Variants in CA10 observed in about 807,000 individuals in gnomAD.
The protein encoded by CA10 is carbonic anhydrase 10 (inactive), also known as carbonic anhydrase-related protein 10.
CA10 carries 14 observed loss-of-function variants against 44.2 expected under a neutral mutation model. The observed-to-expected ratio is 0.32, with a 90% CI of 0.21 to 0.50. CA10 has a LOEUF of 0.50. Ranked by LOEUF, CA10 falls within the 20% of genes least tolerant of loss-of-function variation. CA10 has a pLI of 0.99. For synonymous variants in CA10, 159 were observed against 141.6 expected (o/e 1.12, Z -0.87); for missense variants, 350 against 409.7 (o/e 0.85, Z 1.26).
chr17:51,924,328 T>A (rs1420997004), intron 3 of CA10, among the ~76,000 whole-genome samples: 2 of 152,126 alleles, frequency 1.3e-5, no homozygotes, highest in Non-Finnish European at 2.9e-5. Context: ...GAACAAAAGG[T>A]ATGTACGAAG....
chr17:52,137,045 C>T (rs1989376011), intron 1 of CA10, among the ~76,000 whole-genome samples: 1 of 151,614 alleles, frequency 6.6e-6, no homozygotes, highest in Non-Finnish European at 1.5e-5. Context: ...ATTTCTATAG[C>T]TCATTTTATA....
At chr17:51,765,446 G>A (rs1905336880) in intron 3 of CA10, among the ~76,000 whole-genome samples, 2 of 152,120 alleles carry the variant, frequency 1.3e-5, no homozygotes, top group African/African-American at 2.4e-5. Flanking sequence ...AGAACTGCAG[G>A]GTCACCGTCT....
At chr17:52,017,643 A>C (rs1986010087) in intron 2 of CA10, among the ~76,000 whole-genome samples, 1 of 152,162 alleles carries the variant, frequency 6.6e-6, no homozygotes, top group Non-Finnish European at 1.5e-5. Flanking sequence ...TGAATTTACA[A>C]TAAAAAGGAC....
intron 4 of CA10, among the ~76,000 whole-genome samples, chr17:51,660,224 G>A (rs559718884): frequency 1.8e-4 from 27 of 152,330 alleles, no homozygotes; most frequent in African/African-American, 5.8e-4. Context: ...AGACCATGGA[G>A]AGCTTGGCAG....
intron 3 of CA10, among the ~76,000 whole-genome samples, chr17:51,882,581 C>G (rs1980424584): frequency 6.6e-6 from 1 of 152,190 alleles, no homozygotes; most frequent in African/African-American, 2.4e-5. Flanking sequence ...GATGGTAACA[C>G]TTGACTGTGA....
intron 2 of CA10, among the ~76,000 whole-genome samples, chr17:51,989,024 G>A (rs552283368): frequency 6.6e-6 from 1 of 151,858 alleles, no homozygotes; most frequent in African/African-American, 2.4e-5. Context: ...TACCATATTG[G>A]ACAGTGTGTT....
At chr17:51,739,003 T>A (rs1383039520) in intron 4 of CA10, among the ~76,000 whole-genome samples, 1 of 152,102 alleles carries the variant, frequency 6.6e-6, no homozygotes, top group East Asian at 1.9e-4. Flanking sequence ...CTGGAAGAGA[T>A]GGCCTCAAAA....
chr17:52,024,375 G>T (rs1986235244), intron 2 of CA10, among the ~76,000 whole-genome samples: 1 of 152,036 alleles, frequency 6.6e-6, no homozygotes, highest in Non-Finnish European at 1.5e-5. Context: ...ATAATGTTGA[G>T]CCTATTAAGT....
chr17:51,868,122 T>C (rs1979634702), intron 3 of CA10, among the ~76,000 whole-genome samples: 1 of 151,690 alleles, frequency 6.6e-6, no homozygotes, highest in Non-Finnish European at 1.5e-5. Context: ...AGCTCTCTCG[T>C]ATCTGGAAAT....
intron 3 of CA10, among the ~76,000 whole-genome samples, chr17:51,859,232 T>C (rs1468239114): frequency 2.6e-5 from 4 of 152,122 alleles, no homozygotes; most frequent in African/African-American, 9.7e-5. Context: ...AGTGTTGTAA[T>C]CACTTTCTTA....
chr17:51,729,487 T>C (rs184019450), intron 4 of CA10, among the ~76,000 whole-genome samples: 20 of 152,278 alleles, frequency 1.3e-4, no homozygotes, highest in African/African-American at 4.1e-4. Context: ...GCTTGGAAAC[T>C]TTCTTAAGCT....
At chr17:52,129,869 A>C (rs1989195050) in intron 1 of CA10, among the ~76,000 whole-genome samples, 1 of 152,228 alleles carries the variant, frequency 6.6e-6, no homozygotes, top group Non-Finnish European at 1.5e-5. Flanking sequence ...CAGAATAAAG[A>C]CAACACCAGT....
intron 3 of CA10, among the ~76,000 whole-genome samples, chr17:51,927,364 G>A (rs910576113): frequency 6.6e-6 from 1 of 152,154 alleles, no homozygotes; most frequent in African/African-American, 2.4e-5. Flanking sequence ...GAATCGGCAA[G>A]TGGGTTTTAG....
chr17:51,802,710 GTGTCCCCACCTCCACTTCA>G (rs1306499219), intron 3 of CA10, among the ~76,000 whole-genome samples: 12 of 152,142 alleles, frequency 7.9e-5, no homozygotes, highest in Non-Finnish European at 1.5e-4. Flanking sequence ...TGTCCCCAGA[GTGTCCCCACCTCCACTTCA>G]TGTGCAGATG....
intron 4 of CA10, among the ~76,000 whole-genome samples, chr17:51,710,423 A>C (rs745885996): frequency 6.6e-6 from 1 of 152,128 alleles, no homozygotes; most frequent in African/African-American, 2.4e-5. Flanking sequence ...TCTCCAGAGC[A>C]ATTTTAAAGG....
chr17:52,155,625 T>C (rs1008652488), intron 1 of CA10, among the ~76,000 whole-genome samples: 3 of 152,184 alleles, frequency 2.0e-5, no homozygotes, highest in Non-Finnish European at 1.5e-5. Context: ...TTTTAAAGTT[T>C]ATGGATGTGT....
chr17:51,937,126 A>G (rs1982897260), intron 2 of CA10, among the ~76,000 whole-genome samples: 1 of 152,182 alleles, frequency 6.6e-6, no homozygotes, highest in Admixed American at 6.5e-5. Context: ...AAGTTGGGAA[A>G]ATGAACGCTG....
chr17:51,975,114 C>T (rs75536319), intron 2 of CA10, among the ~76,000 whole-genome samples: 1,657 of 151,198 alleles, frequency 0.011, 35 homozygotes, highest in African/African-American at 0.038. Context: ...TAAATAGTAA[C>T]CTAAAAAGGC....
At chr17:51,781,199 C>A (rs1906045431) in intron 3 of CA10, among the ~76,000 whole-genome samples, 1 of 152,150 alleles carries the variant, frequency 6.6e-6, no homozygotes, top group South Asian at 2.1e-4. Flanking sequence ...ATCTCTGAGC[C>A]TTACCTTTCT....
Sources: gnomAD v4.1 joint callset for allele counts (sites outside exome capture counted in the v4.1 genomes callset) on GRCh38, gnomAD v4.1.1 for gene constraint, MANE v1.5 for transcripts, NCBI Gene and HGNC (gene_info 2026-07-23, HGNC 2026-07-21) for gene names.